The following RAD51 variants were observed in gnomAD, a reference collection of about 807,000 sequenced individuals.
The protein encoded by RAD51 is RAD51 recombinase.
RAD51 carries 14 observed loss-of-function variants against 41.5 expected under a neutral mutation model. The observed-to-expected ratio is 0.34, with a 90% confidence interval of 0.22 to 0.53. The LOEUF (loss-of-function observed/expected upper bound fraction) is 0.53, where lower values mean the gene tolerates loss of function less well. RAD51 is among the 20% of genes least tolerant of loss of function. The pLI is 0.95. For missense variants in RAD51, 234 were observed against 422.0 expected (o/e 0.55, Z 3.90); for synonymous variants, 136 against 148.6 (o/e 0.92, Z 0.62).
At position 40,719,010 on chromosome 15, in the gene RAD51, T is replaced by G. The variant is rs953855910; in HGVS notation, c.530+111T>G. The G allele has an allele frequency of 1.3e-5, 13 of 973,796 alleles. No individual in the cohort carries two copies. The African/African-American group carries it at 1.9e-4, about 14-fold the overall frequency. 60.3% of individuals were successfully genotyped at this position (973,796 alleles called of 1,614,324 possible). A position where few individuals can be genotyped will look rare whatever the true frequency, so the allele number is the denominator to read the frequency against. On this transcript the variant is annotated intron_variant, in intron 6 of 9. Transcript: ENST00000267868. ...CTTCTATAACCCCACGTCCCAAAGTTGTATGTGTGGTTCAAAAGAATGACT... is the reference window on the plus strand; with the variant it reads ...CTTCTATAACCCCACGTCCCAAAGTGGTATGTGTGGTTCAAAAGAATGACT...
intron 5 of RAD51, among the ~76,000 whole-genome samples, chr15:40,714,244 G>A (rs947891876): frequency 6.6e-6 from 1 of 152,128 alleles, no homozygotes; most frequent in African/African-American, 2.4e-5. Context: ...AGTTATAGAA[G>A]CTATAGCTAT....
At chr15:40,701,999 G>T in intron 3 of RAD51, 1 of 214,376 alleles carries the variant, frequency 4.7e-6, no homozygotes, top group Non-Finnish European at 9.7e-6. Flanking sequence ...GGCCAGGATG[G>T]TCTCGATCTC....
rs117953590 is a variant in RAD51, at chr15:40,724,171, C to T, written c.531-4540C>T. On this transcript the variant is annotated intron_variant, in intron 6 of 9. Transcript: ENST00000267868. ...GCTTTTTGTCTCTGCCTACAAAATT[C>T]CTATGAAGGAAAAGGAATTACTCTT... Among the ~76,000 whole-genome samples the T allele has an allele frequency of 3.7e-3, 561 of 152,190 alleles. 4 individuals are homozygous for T. The highest frequency in any genetic ancestry group is 6.0e-3 in the Non-Finnish European group (409 of 68,002).
intron 5 of RAD51, among the ~76,000 whole-genome samples, chr15:40,716,366 C>T (rs1274265179): frequency 6.6e-6 from 1 of 151,572 alleles, no homozygotes; most frequent in Admixed American, 6.6e-5. Context: ...TTTTCTCCGC[C>T]ACTTCCTCTT....
rs571561898 is a variant in RAD51 at position 40,699,951 on chromosome 15, C to A, written c.87+1106C>A. Among the ~76,000 whole-genome samples the A allele has an allele frequency of 2.6e-5, 4 of 151,902 alleles. No homozygotes were observed. In the South Asian group the frequency reaches 8.3e-4, roughly 32 times the overall value. Reference sequence around the variant, plus strand: ...CCATCTCTGACTAATCTTCAAGACTCTAGAAGTTAGGAGTGCAAAAGGCTA... The same window carrying A: ...CCATCTCTGACTAATCTTCAAGACTATAGAAGTTAGGAGTGCAAAAGGCTA... On this transcript the variant is annotated intron_variant, in intron 2 of 9. Transcript: ENST00000267868.
chr15:40,706,106 T>C, intron 3 of RAD51, 71 bp from the exon 4 acceptor site: 1 of 1,060,770 alleles, frequency 9.4e-7, no homozygotes, highest in Non-Finnish European at 1.4e-6. Flanking sequence ...TTTATATATA[T>C]TTTTTTGCCA....
chr15:40,694,748 T>C (rs1894501408), upstream of RAD51: 1 of 152,122 alleles, frequency 6.6e-6, no homozygotes, highest in African/African-American at 2.4e-5. Context: ...TGCCGGGAGA[T>C]GTAGTCCCGG....
At chr15:40,713,994 CT>C (rs749995356) in intron 5 of RAD51, among the ~76,000 whole-genome samples, 13,066 of 114,798 alleles carry the variant, frequency 0.11, 736 homozygotes, top group East Asian at 0.18. Context: ...GAAATAAATT[CT>C]TTTTTTTTTT....
chr15:40,699,746 A>G (rs758639944), intron 2 of RAD51, among the ~76,000 whole-genome samples: 1 of 152,202 alleles, frequency 6.6e-6, no homozygotes, highest in African/African-American at 2.4e-5. Context: ...TGGTGGTGTT[A>G]TGGTATAAGA....
chr15:40,724,407 A>G (rs894328281), intron 6 of RAD51, among the ~76,000 whole-genome samples: 6 of 152,182 alleles, frequency 3.9e-5, no homozygotes, highest in African/African-American at 1.2e-4. Flanking sequence ...AATATAGGCT[A>G]TGAGGACAAG....
chr15:40,727,834 C>T (rs1490671355), intron 6 of RAD51, among the ~76,000 whole-genome samples: 1 of 151,492 alleles, frequency 6.6e-6, no homozygotes, highest in Non-Finnish European at 1.5e-5. Context: ...ATAATCATAG[C>T]ACACTGGGTT....
chr15:40,718,693 T>A, intron 5 of RAD51, 112 bp from the exon 6 acceptor site: 1 of 926,282 alleles, frequency 1.1e-6, no homozygotes, highest in South Asian at 1.3e-5. Flanking sequence ...CTGTCATTTT[T>A]AAATGTTTTT....
At chr15:40,728,601 G>C in intron 6 of RAD51, 110 bp from the exon 7 acceptor site, 1 of 889,546 alleles carries the variant, frequency 1.1e-6, no homozygotes. Context: ...TGAAACTACT[G>C]TCAGTACCAC....
At chr15:40,710,501 C>CAAAAAAAAAAA (rs747933816) in intron 5 of RAD51, among the ~76,000 whole-genome samples, 6 of 48,624 alleles carry the variant, frequency 1.2e-4, no homozygotes, top group African/African-American at 1.9e-4. Flanking sequence ...GACTCTGTCT[C>CAAAAAAAAAAA]AAAAAAAAAA....
intron 5 of RAD51, among the ~76,000 whole-genome samples, chr15:40,713,607 A>ATTTTTTTT: frequency 7.8e-6 from 1 of 127,538 alleles, no homozygotes. Context: ...AAATGTTACA[A>ATTTTTTTT]TTTTTTTTTT....
intron 5 of RAD51, among the ~76,000 whole-genome samples, chr15:40,713,630 G>A (rs549808710): frequency 3.4e-4 from 46 of 134,530 alleles, no homozygotes; most frequent in South Asian, 3.1e-3. Flanking sequence ...TTTTTGAGGC[G>A]GAGTCTCATT....
Position 40,731,175 on chromosome 15 carries a change from C to G in RAD51, c.1017C>G (p.Asp339Glu). 6.2e-7 allele frequency: 1 copy of G among 1,614,044 alleles called. No homozygotes were observed. The highest frequency in any genetic ancestry group is 8.5e-7 in the Non-Finnish European group (1 of 1,179,972). Residue 339 changes from aspartate to glutamate, a missense_variant, in exon 10 of 10, where the codon GAC becomes GAG. By Grantham distance (45) the Asp-to-Glu change is conservative. Coordinates refer to ENST00000267868, the MANE Select transcript of RAD51 (RefSeq NM_002875.5). The part of the protein sequence containing the change: ...INADGVGDAK[D>E] ...CAGATGGAGTGGGAGATGCCAAAGA[C>G]TGAATCATTGGGTTTTTCCTCTGTT...
intron 1 of RAD51, among the ~76,000 whole-genome samples, chr15:40,697,244 G>C (rs1455162566): frequency 2.0e-5 from 3 of 152,096 alleles, no homozygotes; most frequent in Non-Finnish European, 2.9e-5. Flanking sequence ...GGGATTACAG[G>C]CATGTGCCAC....
At chr15:40,699,901 C>A (rs1346126651) in intron 2 of RAD51, among the ~76,000 whole-genome samples, 1 of 151,966 alleles carries the variant, frequency 6.6e-6, no homozygotes, top group Non-Finnish European at 1.5e-5. Flanking sequence ...AGACTTGATT[C>A]TTCTGTCTCT....
Sources: gnomAD v4.1 joint callset for allele counts (sites outside exome capture counted in the v4.1 genomes callset) on GRCh38, gnomAD v4.1.1 for gene constraint, MANE v1.5 for transcripts, NCBI Gene and HGNC (gene_info 2026-07-23, HGNC 2026-07-21) for gene names.